The following H2BW1 variants were observed in gnomAD, a reference collection of about 807,000 sequenced individuals.
H2BW1 encodes the protein H2B.W histone 1.
Under a neutral mutation model 8.0 loss-of-function variants are expected in H2BW1, and 9 were observed. The ratio of observed to expected loss-of-function variants is 1.13; its 90% CI spans 0.68 to 1.97. H2BW1 has a LOEUF of 1.97. Ranked by LOEUF, H2BW1 falls within the 30% of genes most tolerant of loss-of-function variation. The pLI, the probability that H2BW1 is intolerant of heterozygous loss-of-function variation, is 0.00. For synonymous variants in H2BW1, 58 were observed against 54.7 expected, an observed-to-expected ratio of 1.06 and a Z score of -0.26; for missense variants, 137 against 132.0, an observed-to-expected ratio of 1.04 and a Z score of -0.19.
chrX:104,012,684 G>A lies in H2BW1; in HGVS notation c.*22+6C>T. On this transcript the variant is annotated splice_donor_region_variant and intron_variant, in intron 2 of 2. Coordinates refer to ENST00000217926, the MANE Select transcript of H2BW1 (RefSeq NM_001002916.5). ...GAGCGGTGTTGAAAACATTTAGGAG[G>A]GTTACCTTGCTTCTTGTATCAGCGT... 8.3e-7 allele frequency: 1 copy of A among 1,211,244 alleles called. No individual in the cohort carries two copies. The highest frequency in any genetic ancestry group is 1.1e-6 in the Non-Finnish European group (1 of 895,339).
At position 104,013,415 on chromosome X, in the gene H2BW1, G is replaced by A; in HGVS notation, c.162C>T (p.Ala54=). ...CHSNCRGDSF[A]TYFRRVLKQV... ...GCTTCAGCACCCGGCGGAAATAGGT[G>A]GCGAAGCTGTCCCCGCGGCAGTTGG... is the stretch of plus-strand genomic sequence containing the variant. The change falls in exon 1 of 3, where the codon GCC becomes GCT. Residue 54 remains alanine, a synonymous_variant. Transcript: ENST00000217926. 8.2e-7 allele frequency: 1 copy of A among 1,212,384 alleles called. No individual in the cohort carries two copies. Among genetic ancestry groups the A allele is most frequent in the Non-Finnish European group, 1.1e-6 (1 of 895,654 alleles).
In H2BW1 at chrX:104,013,232, G is replaced by A. The variant is rs2075131213; in HGVS notation, c.345C>T (p.Arg115=). Reference sequence around the variant, plus strand: ...TGCCCATCTGCCCCGGCAGCAGCAGGCGCACAGCCATCCGGGTCTCCCAGG... The same window carrying A: ...TGCCCATCTGCCCCGGCAGCAGCAGACGCACAGCCATCCGGGTCTCCCAGG... ...ITAWETRMAV[R]LLLPGQMGKL... is the part of the protein sequence containing the mutation. Residue 115 remains arginine (R), a synonymous_variant, in exon 1 of 3, where the codon CGC becomes CGT. Transcript: ENST00000217926. 1 of 1,210,467 alleles carries A rather than the reference G, an allele frequency of 8.3e-7. No homozygotes were observed. Among genetic ancestry groups the A allele is most frequent in the Admixed American group, 2.2e-5 (1 of 45,948 alleles).
intron 1 of H2BW1, 44 bp downstream of exon 1, chrX:104,013,126 G>A: frequency 8.6e-7 from 1 of 1,163,278 alleles, no homozygotes; most frequent in Non-Finnish European, 1.1e-6. Flanking sequence ...GGGTTCCCGT[G>A]GTGCTCGGGT....
chrX:104,013,240 C>A lies in H2BW1; in HGVS notation c.337G>T (p.Ala113Ser). ...QTITAWETRMAVRLLLPGQMG... is the reference protein window; with the variant it reads ...QTITAWETRMSVRLLLPGQMG... ...TGCCCCGGCAGCAGCAGGCGCACAG[C>A]CATCCGGGTCTCCCAGGCAGTGATG... is the stretch of plus-strand genomic sequence containing the variant. The change falls in exon 1 of 3, where the codon GCT (alanine) becomes TCT (serine). Residue 113 changes from alanine (A) to serine (S), a missense_variant. Transcript: ENST00000217926. 8.3e-7 allele frequency: 1 copy of A among 1,212,038 alleles called. No individual in the cohort carries two copies. The highest frequency in any genetic ancestry group is 1.8e-5 in the South Asian group (1 of 56,945).
Position 104,013,489 on chromosome X carries a change from G to A in H2BW1, c.88C>T (p.Gln30Ter), listed in dbSNP as rs782797500. 5.0e-6 allele frequency: 6 copies of A among 1,210,597 alleles called. No homozygotes were observed. Reference protein sequence around the residue: ...KEANSTTSQKQSKQRKRGRHG... With the variant: ...KEANSTTSQK ...CGCCCTCGCTTCCTCTGCTTGCTCT[G>A]CTTCTGGGACGTAGTGGAGTTGGCC... The change falls in exon 1 of 3, where the codon CAG becomes TAG. Residue 30 changes from glutamine (Q) to a stop codon, truncating the protein, a stop_gained. Transcript: ENST00000217926. LOFTEE classifies it high-confidence loss of function.
Position 104,012,076 on chromosome X carries a change from G to A in H2BW1, c.*23-613C>T, listed in dbSNP as rs782280141. 1.2e-3 allele frequency among the ~76,000 whole-genome samples: 129 copies of A among 111,696 alleles called. 2 individuals carry two copies. Among genetic ancestry groups the A allele is most frequent in the African/African-American group, 4.0e-3 (123 of 30,710 alleles). ...GGACCCAGAAGAAAGCACAATGAAA[G>A]CTAACCTATATTAACATTAACATGA... On this transcript the variant is annotated intron_variant, in intron 2 of 2. Coordinates refer to ENST00000217926, the MANE Select transcript of H2BW1 (RefSeq NM_001002916.5).
rs1382482137 is a variant in H2BW1 at position 104,012,732 on chromosome X, T to C, written c.424A>G (p.Ile142Val). ...KAVLRTSLYA[I>V]QQQRK ...CGTATTCACTTTCTCTGTTGCTGTA[T>C]GGCATACAGTGAAGTTCTGGAAAAT... Residue 142 changes from isoleucine to valine, a missense_variant, in exon 2 of 3, where the codon ATA (isoleucine) becomes GTA (valine). Ile to Val is a conservative substitution (Grantham distance 29). Coordinates refer to ENST00000217926, the MANE Select transcript of H2BW1 (RefSeq NM_001002916.5). 2 of 1,210,150 alleles carry C rather than the reference T, an allele frequency of 1.7e-6. No homozygotes were observed. Among genetic ancestry groups the C allele is most frequent in the African/African-American group, 3.5e-5 (2 of 57,153 alleles).
chrX:104,012,514 A>T (rs2075128874), intron 2 of H2BW1, among the ~76,000 whole-genome samples, 176 bp downstream of exon 2: 1 of 112,846 alleles, frequency 8.9e-6, no homozygotes, highest in Non-Finnish European at 1.9e-5. Flanking sequence ...CGAAAAGATT[A>T]TCGTCATGGC....
In H2BW1 at chrX:104,013,388, C is replaced by G. The variant is rs1288229651; in HGVS notation, c.189G>C (p.Gln63His). Residue 63 changes from glutamine to histidine, a missense_variant, in exon 1 of 3, where the codon CAG (glutamine) becomes CAC (histidine). Coordinates refer to ENST00000217926, the MANE Select transcript of H2BW1 (RefSeq NM_001002916.5). ...FATYFRRVLK[Q>H]VHQGLSLSRE... ...GGGAAAGGCTGAGGCCCTGGTGAAC[C>G]TGCTTCAGCACCCGGCGGAAATAGG... 4.1e-6 allele frequency: 5 copies of G among 1,211,105 alleles called. No homozygotes were observed. In the African/African-American group the frequency reaches 8.7e-5, roughly 21 times the overall value.
At chrX:104,013,082 C>T (rs2075130669) in intron 1 of H2BW1, 88 bp downstream of exon 1, 3 of 1,111,210 alleles carry the variant, frequency 2.7e-6, no homozygotes, top group African/African-American at 3.7e-5. Flanking sequence ...ACTGGTCTTT[C>T]AGGCCACATT....
chrX:104,013,404 C>G lies in H2BW1; in HGVS notation c.173G>C (p.Arg58Pro), dbSNP rs781994886. 2.5e-6 allele frequency: 3 copies of G among 1,212,262 alleles called. No homozygotes were observed. Among genetic ancestry groups the G allele is most frequent in the Non-Finnish European group, 3.3e-6 (3 of 895,629 alleles). The change falls in exon 1 of 3, where the codon CGC becomes CCC. Residue 58 changes from arginine to proline, a missense_variant. By Grantham distance (103) the Arg-to-Pro change is moderately radical (BLOSUM62 -2). Transcript: ENST00000217926. ...CTGGTGAACCTGCTTCAGCACCCGGCGGAAATAGGTGGCGAAGCTGTCCCC... is the reference window on the plus strand; with the variant it reads ...CTGGTGAACCTGCTTCAGCACCCGGGGGAAATAGGTGGCGAAGCTGTCCCC... ...CRGDSFATYFRRVLKQVHQGL... is the reference protein window; with the variant it reads ...CRGDSFATYFPRVLKQVHQGL...
rs141291756 is a variant in H2BW1, at chrX:104,013,579, C to G, written c.-3G>C. The G allele has an allele frequency of 8.3e-7, 1 of 1,211,508 alleles. No individual in the cohort carries two copies. The highest frequency in any genetic ancestry group is 1.1e-6 in the Non-Finnish European group (1 of 895,376). ...GTCTCAGAGGAAGGTCCAGCCATGG[C>G]GGAGGCAGTGGCCATTAGATGGCAC... On this transcript the variant is annotated 5_prime_UTR_variant, in exon 1 of 3. Coordinates refer to ENST00000217926, the MANE Select transcript of H2BW1 (RefSeq NM_001002916.5).
In H2BW1 at chrX:104,013,360, C is replaced by T; in HGVS notation, c.217G>A (p.Glu73Lys). ...QVHQGLSLSR[E>K]AVSVMDSLVH... is the part of the protein sequence containing the mutation. The stretch of plus-strand genomic sequence containing the variant: ...AAAGAATCCATGACACTCACGGCCT[C>T]CCGGGAAAGGCTGAGGCCCTGGTGA... Residue 73 changes from glutamate (E) to lysine (K), a missense_variant, in exon 1 of 3, where the codon GAG becomes AAG. Glu to Lys is a moderately conservative substitution (Grantham distance 56). Coordinates refer to ENST00000217926, the MANE Select transcript of H2BW1 (RefSeq NM_001002916.5). The T allele has an allele frequency of 8.2e-7, 1 of 1,212,191 alleles. No homozygotes were observed. Among genetic ancestry groups the T allele is most frequent in the Non-Finnish European group, 1.1e-6 (1 of 895,663 alleles).
rs782380032 is a variant in H2BW1, at chrX:104,013,401, C to T, written c.176G>A (p.Arg59Gln). 9.9e-6 allele frequency: 12 copies of T among 1,210,993 alleles called. No individual in the cohort carries two copies. In the African/African-American group the frequency reaches 1.0e-4, roughly 11 times the overall value. Residue 59 changes from arginine to glutamine, a missense_variant, in exon 1 of 3, where the codon CGG becomes CAG. Arg to Gln is a conservative substitution (Grantham distance 43). Coordinates refer to ENST00000217926, the MANE Select transcript of H2BW1 (RefSeq NM_001002916.5). Reference sequence around the variant, plus strand: ...GCCCTGGTGAACCTGCTTCAGCACCCGGCGGAAATAGGTGGCGAAGCTGTC... The same window carrying T: ...GCCCTGGTGAACCTGCTTCAGCACCTGGCGGAAATAGGTGGCGAAGCTGTC... Reference protein sequence around the residue: ...RGDSFATYFRRVLKQVHQGLS... With the variant: ...RGDSFATYFRQVLKQVHQGLS...
rs781962912 is a variant in H2BW1, at chrX:104,013,464, C to T, written c.113G>A (p.Arg38His). ...GGAGTGGCACCTGCGGGGCCCATGGCGCCCTCGCTTCCTCTGCTTGCTCTG... is the reference window on the plus strand; with the variant it reads ...GGAGTGGCACCTGCGGGGCCCATGGTGCCCTCGCTTCCTCTGCTTGCTCTG... ...QKQSKQRKRGRHGPRRCHSNC... is the reference protein window; with the variant it reads ...QKQSKQRKRGHHGPRRCHSNC... The change falls in exon 1 of 3, where the codon CGC becomes CAC. Residue 38 changes from arginine to histidine, a missense_variant. By Grantham distance (29) the Arg-to-His change is conservative. Transcript: ENST00000217926. 9.9e-6 allele frequency: 12 copies of T among 1,210,574 alleles called. No homozygotes were observed. The highest frequency in any genetic ancestry group is 6.5e-5 in the Admixed American group (3 of 45,934).
chrX:104,012,596 T>A, intron 2 of H2BW1, 94 bp downstream of exon 2: 2 of 1,138,674 alleles, frequency 1.8e-6, no homozygotes, highest in Non-Finnish European at 1.2e-6. Flanking sequence ...CTTGAAAATT[T>A]TATTTAGCTG....
chrX:104,013,385 AACCTGCTTCAGC>A lies in H2BW1; in HGVS notation c.180_191del (p.Leu61_Val64del). 1 of 1,212,353 alleles carries A rather than the reference AACCTGCTTCAGC, an allele frequency of 8.2e-7. No homozygotes were observed. Among genetic ancestry groups the A allele is most frequent in the Non-Finnish European group, 1.1e-6 (1 of 895,647 alleles). On this transcript the variant is annotated inframe_deletion, in exon 1 of 3. Transcript: ENST00000217926. ...CCCGGGAAAGGCTGAGGCCCTGGTGAACCTGCTTCAGCACCCGGCGGAAATAGGTGGCGAAGC... is the reference window on the plus strand; with the variant it reads ...CCCGGGAAAGGCTGAGGCCCTGGTGAACCCGGCGGAAATAGGTGGCGAAGC...
chrX:104,011,236 T>C lies in H2BW1; in HGVS notation c.*250A>G, dbSNP rs782218023. On this transcript the variant is annotated 3_prime_UTR_variant, in exon 3 of 3. Coordinates refer to ENST00000217926, the MANE Select transcript of H2BW1 (RefSeq NM_001002916.5). ...ATTAGCATAATGAGAAATAAGTCAC[T>C]GAGTGAGATGCGGTGTTTTAGACAA... is the stretch of plus-strand genomic sequence containing the variant. 1 of 112,486 alleles carries C rather than the reference T, an allele frequency of 8.9e-6. No homozygotes were observed. Among genetic ancestry groups the C allele is most frequent in the Non-Finnish European group, 1.9e-5 (1 of 53,320 alleles). The allele number at this position is 112,486 out of a possible 1,213,427, so 9.3% of individuals were successfully genotyped here.
In H2BW1 at chrX:104,013,234, G is replaced by A. The variant is rs1556337692; in HGVS notation, c.343C>T (p.Arg115Cys). ...CCCATCTGCCCCGGCAGCAGCAGGC[G>A]CACAGCCATCCGGGTCTCCCAGGCA... ...ITAWETRMAV[R>C]LLLPGQMGKL... Residue 115 changes from arginine (R) to cysteine (C), a missense_variant, in exon 1 of 3, where the codon CGC becomes TGC. Physicochemically the swap from Arg to Cys is radical, Grantham distance 180 (BLOSUM62 -3). Coordinates refer to ENST00000217926, the MANE Select transcript of H2BW1 (RefSeq NM_001002916.5). The A allele has an allele frequency of 1.7e-6, 2 of 1,211,745 alleles. No homozygotes were observed. Among genetic ancestry groups the A allele is most frequent in the South Asian group, 1.8e-5 (1 of 56,911 alleles).
Sources: gnomAD v4.1 joint callset for allele counts (sites outside exome capture counted in the v4.1 genomes callset) on GRCh38, gnomAD v4.1.1 for gene constraint, MANE v1.5 for transcripts, NCBI Gene and HGNC (gene_info 2026-07-23, HGNC 2026-07-21) for gene names.